Variants in SWAP70 observed in about 807,000 individuals in gnomAD.
The protein encoded by SWAP70 is switch-associated protein 70.
SWAP70 carries 34 observed loss-of-function variants against 80.2 expected under a neutral mutation model. The observed-to-expected ratio is 0.42, with a 90% confidence interval of 0.32 to 0.56. The LOEUF is 0.56. Among genes scored for constraint, SWAP70 ranks in the 20% least tolerant of loss-of-function variants. SWAP70 has a pLI of 0.09. For missense variants in SWAP70, 578 were observed against 690.7 expected (o/e 0.84, Z 1.83); for synonymous variants, 239 against 238.5 (o/e 1.00, Z -0.02).
rs778021007 is a variant in SWAP70 at position 9,749,828 on chromosome 11, A to T, written c.1652-36A>T. ...AATGATGGGGTATCCTGAAGAATAT[A>T]ATACTTCCTGTATTTAAAGCATGTT... On this transcript the variant is annotated intron_variant, in intron 11 of 11. Coordinates refer to ENST00000318950, the MANE Select transcript of SWAP70 (RefSeq NM_015055.4). 17 of 1,336,728 alleles carry T rather than the reference A, an allele frequency of 1.3e-5. 1 individual carries two copies. The South Asian group carries it at 2.0e-4, about 16-fold the overall frequency. 82.8% of individuals were successfully genotyped at this position (1,336,728 alleles called of 1,614,324 possible). A position where few individuals can be genotyped will look rare whatever the true frequency, so the allele number is the denominator to read the frequency against.
chr11:9,681,480 A>G (rs118015828), intron 1 of SWAP70, among the ~76,000 whole-genome samples: 2 of 152,324 alleles, frequency 1.3e-5, no homozygotes, highest in East Asian at 3.9e-4. Flanking sequence ...TAAAGTTTTT[A>G]GGTAGATATA....
chr11:9,708,186 G>A (rs1197096020), intron 2 of SWAP70, among the ~76,000 whole-genome samples: 1 of 152,164 alleles, frequency 6.6e-6, no homozygotes, highest in East Asian at 1.9e-4. Flanking sequence ...TCATATGGTA[G>A]TTCTATTTTT....
intron 9 of SWAP70, chr11:9,741,400 T>C (rs1488598675): frequency 6.6e-6 from 1 of 152,208 alleles, no homozygotes; most frequent in Non-Finnish European, 1.5e-5. Flanking sequence ...TTCACTGCAC[T>C]GTGAGGTTAA....
At position 9,727,626 on chromosome 11, in the gene SWAP70, G is replaced by A. The variant is rs111470479; in HGVS notation, c.643-427G>A. ...TGAACTCCCACATATGCATCAACCA[G>A]CTCCAGTAACCACCACCATGTGGCT... On this transcript the variant is annotated intron_variant, in intron 4 of 11. Coordinates refer to ENST00000318950, the MANE Select transcript of SWAP70 (RefSeq NM_015055.4). 2.6e-3 allele frequency among the ~76,000 whole-genome samples: 396 copies of A among 152,256 alleles called. 2 individuals carry two copies. The highest frequency in any genetic ancestry group is 4.7e-3 in the Non-Finnish European group (320 of 68,014).
Position 9,750,263 on chromosome 11 carries a change from C to T in SWAP70, c.*293C>T, listed in dbSNP as rs1460194634. On this transcript the variant is annotated 3_prime_UTR_variant, in exon 12 of 12. Transcript: ENST00000318950. The stretch of plus-strand genomic sequence containing the variant: ...GGCTGAGGCAGGAGAATCACTTGAA[C>T]GTGGGAGGCGGAGGTTGCAGCGAGC... 6 of 217,878 alleles carry T rather than the reference C, an allele frequency of 2.8e-5. No individual in the cohort carries two copies. The highest frequency in any genetic ancestry group is 7.9e-5 in the South Asian group (1 of 12,654). 13.5% of individuals were successfully genotyped at this position (217,878 alleles called of 1,614,324 possible).
chr11:9,748,031 G>A lies in SWAP70; in HGVS notation c.1529G>A (p.Arg510Gln), dbSNP rs755757769. 96 of 1,614,110 alleles carry A rather than the reference G, an allele frequency of 5.9e-5. No individual in the cohort carries two copies. Among genetic ancestry groups the A allele is most frequent in the South Asian group, 5.5e-5 (5 of 91,078 alleles). Reference protein sequence around the residue: ...MEQLEQLELERKQALEQYEEV... With the variant: ...MEQLEQLELEQKQALEQYEEV... Reference sequence around the variant, plus strand: ...CAGCTGGAGCAGCTTGAGTTAGAACGGAAGCAAGCACTTGAGCAGTACGAG... The same window carrying A: ...CAGCTGGAGCAGCTTGAGTTAGAACAGAAGCAAGCACTTGAGCAGTACGAG... Residue 510 changes from arginine to glutamine, a missense_variant, in exon 10 of 12, where the codon CGG becomes CAG. Physicochemically the swap from Arg to Gln is conservative, Grantham distance 43. Coordinates refer to ENST00000318950, the MANE Select transcript of SWAP70 (RefSeq NM_015055.4).
intron 2 of SWAP70, among the ~76,000 whole-genome samples, chr11:9,695,011 A>G (rs937475535): frequency 2.0e-5 from 3 of 152,212 alleles, no homozygotes; most frequent in Non-Finnish European, 2.9e-5. Flanking sequence ...ATTCATGCCC[A>G]GGCAGGGTGG....
Position 9,703,622 on chromosome 11 carries a change from T to C in SWAP70, c.240+9336T>C, listed in dbSNP as rs1850861789. On this transcript the variant is annotated intron_variant, in intron 2 of 11. Transcript: ENST00000318950. The stretch of plus-strand genomic sequence containing the variant: ...AGCCTGTGCTTTTCCTCTATAGCAC[T>C]TACTAGTTGTTGGGTTGTTGCTGTA... 2.0e-5 allele frequency among the ~76,000 whole-genome samples: 3 copies of C among 152,358 alleles called. No individual in the cohort carries two copies. In the East Asian group the frequency reaches 5.8e-4, roughly 29 times the overall value.
intron 9 of SWAP70, among the ~76,000 whole-genome samples, chr11:9,743,034 T>A (rs2133817826): frequency 6.8e-6 from 1 of 146,336 alleles, no homozygotes. Flanking sequence ...TATCTCCTAA[T>A]GCTATCCCTC....
At chr11:9,722,317 T>C (rs948466226) in intron 3 of SWAP70, among the ~76,000 whole-genome samples, 2 of 152,154 alleles carry the variant, frequency 1.3e-5, no homozygotes, top group African/African-American at 2.4e-5. Context: ...TAAAGATGAG[T>C]GGGACATGGT....
chr11:9,698,697 G>T (rs930250957), intron 2 of SWAP70, among the ~76,000 whole-genome samples: 1 of 152,208 alleles, frequency 6.6e-6, no homozygotes, highest in Admixed American at 6.5e-5. Flanking sequence ...GAGCCATTGT[G>T]CCCAACCTCA....
chr11:9,739,742 CCTT>C (rs1357135315), intron 8 of SWAP70, among the ~76,000 whole-genome samples: 8 of 152,102 alleles, frequency 5.3e-5, no homozygotes, highest in African/African-American at 1.7e-4. Context: ...GATGACCTTT[CCTT>C]CTTCTTTAGT....
At chr11:9,707,871 A>G (rs1278483519) in intron 2 of SWAP70, among the ~76,000 whole-genome samples, 1 of 152,106 alleles carries the variant, frequency 6.6e-6, no homozygotes, top group African/African-American at 2.4e-5. Context: ...TTTCTTTTAA[A>G]AAATTTAAAA....
intron 2 of SWAP70, among the ~76,000 whole-genome samples, chr11:9,708,314 C>T (rs572609457): frequency 9.9e-5 from 15 of 152,148 alleles, no homozygotes; most frequent in Non-Finnish European, 2.1e-4. Flanking sequence ...TTGTTATTTT[C>T]TGGTTTTTTT....
At chr11:9,671,728 TTC>T (rs1191764678) in intron 1 of SWAP70, among the ~76,000 whole-genome samples, 34 of 84,076 alleles carry the variant, frequency 4.0e-4, no homozygotes, top group Non-Finnish European at 4.3e-4. Flanking sequence ...ATAAATATAT[TTC>T]TATGTATACA....
chr11:9,733,722 T>A (rs1165863817), intron 7 of SWAP70, among the ~76,000 whole-genome samples: 1 of 152,200 alleles, frequency 6.6e-6, no homozygotes, highest in Non-Finnish European at 1.5e-5. Flanking sequence ...CTTTAAAGGT[T>A]ACGCTGAGCA....
intron 2 of SWAP70, among the ~76,000 whole-genome samples, chr11:9,709,796 T>C (rs1233289359): frequency 6.6e-6 from 1 of 152,164 alleles, no homozygotes; most frequent in Non-Finnish European, 1.5e-5. Flanking sequence ...GCTTCCAAGG[T>C]TAGCTTTTGA....
chr11:9,725,441 T>C (rs1590039711), intron 4 of SWAP70, among the ~76,000 whole-genome samples: 1 of 145,662 alleles, frequency 6.9e-6, no homozygotes, highest in African/African-American at 2.5e-5. Context: ...CCCAGCACTT[T>C]GGGAGGCTGA....
At chr11:9,691,618 A>G (rs1850698471) in intron 1 of SWAP70, among the ~76,000 whole-genome samples, 1 of 152,258 alleles carries the variant, frequency 6.6e-6, no homozygotes, top group African/African-American at 2.4e-5. Context: ...TTGACTTTAG[A>G]CAACTGAAGA....
Sources: gnomAD v4.1 joint callset for allele counts (sites outside exome capture counted in the v4.1 genomes callset) on GRCh38, gnomAD v4.1.1 for gene constraint, MANE v1.5 for transcripts, NCBI Gene and HGNC (gene_info 2026-07-23, HGNC 2026-07-21) for gene names.